WASF1: variants seen among roughly 807,000 people sequenced by gnomAD.
WASF1 encodes WASP family member 1.
Under a neutral mutation model 50.5 loss-of-function variants are expected in WASF1, and 7 were observed. The observed-to-expected ratio is 0.14, with a 90% CI of 0.08 to 0.26. The LOEUF is 0.26. WASF1 is among the 10% of genes least tolerant of loss of function. WASF1 has a pLI of 1.00. For synonymous variants in WASF1, 205 were observed against 244.0 expected (o/e 0.84, Z 1.49); for missense variants, 470 against 694.7 (o/e 0.68, Z 3.64).
chr6:110,135,098 T>C (rs1437682363), intron 3 of WASF1, among the ~76,000 whole-genome samples: 2 of 152,212 alleles, frequency 1.3e-5, no homozygotes, highest in African/African-American at 4.8e-5. Flanking sequence ...TGGTTAGGTA[T>C]ATTTCTAAGT....
rs1773017572 is a variant in WASF1, at chr6:110,100,088, G to A, written c.*434C>T. ...TACAAGCTAAATGTACTTTCTGAGT[G>A]TATTCGTATAATCAAGGCAGTGTTT... is the stretch of plus-strand genomic sequence containing the variant. On this transcript the variant is annotated 3_prime_UTR_variant, in exon 11 of 11. Transcript: ENST00000392589. 1 of 153,392 alleles carries A rather than the reference G, an allele frequency of 6.5e-6. No homozygotes were observed. The highest frequency in any genetic ancestry group is 1.9e-4 in the East Asian group (1 of 5,206). The allele number at this position is 153,392 out of a possible 1,614,324, so 9.5% of individuals were successfully genotyped here.
At chr6:110,122,117 T>C (rs1034906784) in intron 4 of WASF1, among the ~76,000 whole-genome samples, 7 of 151,916 alleles carry the variant, frequency 4.6e-5, no homozygotes, top group African/African-American at 1.7e-4. Flanking sequence ...CAAACCACCA[T>C]GGCACATGTA....
At chr6:110,145,410 G>A (rs1319682009) in intron 3 of WASF1, among the ~76,000 whole-genome samples, 2 of 152,136 alleles carry the variant, frequency 1.3e-5, no homozygotes, top group African/African-American at 2.4e-5. Context: ...TGCAAACAGG[G>A]ACAATTTGAC....
intron 3 of WASF1, among the ~76,000 whole-genome samples, chr6:110,146,545 T>A (rs879562206): frequency 1.3e-4 from 19 of 151,850 alleles, no homozygotes; most frequent in African/African-American, 1.7e-4. Context: ...TATTTAAAAA[T>A]ATATATATCT....
chr6:110,153,492 T>C (rs762916720), intron 3 of WASF1, among the ~76,000 whole-genome samples: 4 of 152,214 alleles, frequency 2.6e-5, no homozygotes, highest in African/African-American at 4.8e-5. Flanking sequence ...AATCAATCTA[T>C]GTTGATTTCT....
intron 2 of WASF1, among the ~76,000 whole-genome samples, chr6:110,170,804 AT>A (rs1197436436): frequency 1.3e-5 from 2 of 152,286 alleles, no homozygotes; most frequent in African/African-American, 4.8e-5. Context: ...AGCTGTATCA[AT>A]TTGAGACAAA....
intron 3 of WASF1, among the ~76,000 whole-genome samples, chr6:110,147,292 GC>G (rs1157988714): frequency 1.3e-5 from 2 of 150,062 alleles, no homozygotes; most frequent in Non-Finnish European, 3.0e-5. Context: ...CTTGCAGTGA[GC>G]CGAGATCATG....
At chr6:110,108,236 A>C (rs906407042) in intron 6 of WASF1, among the ~76,000 whole-genome samples, 2 of 152,024 alleles carry the variant, frequency 1.3e-5, no homozygotes, top group Non-Finnish European at 2.9e-5. Context: ...CATTTGATTA[A>C]AAATTAAATT....
intron 3 of WASF1, among the ~76,000 whole-genome samples, chr6:110,151,473 T>C (rs1775821619): frequency 6.6e-6 from 1 of 152,184 alleles, no homozygotes; most frequent in African/African-American, 2.4e-5. Context: ...CTACATGTTA[T>C]AAAAACAATT....
chr6:110,103,626 A>C, intron 8 of WASF1, 69 bp from the exon 9 acceptor site: 1 of 1,351,648 alleles, frequency 7.4e-7, no homozygotes, highest in Admixed American at 2.5e-5. Context: ...TACATGAGAT[A>C]TTAAATATTT....
intron 3 of WASF1, among the ~76,000 whole-genome samples, chr6:110,155,248 C>A (rs1006342284): frequency 6.6e-6 from 1 of 152,030 alleles, no homozygotes; most frequent in African/African-American, 2.4e-5. Flanking sequence ...TACCAATATA[C>A]CATCATAATG....
intron 2 of WASF1, among the ~76,000 whole-genome samples, chr6:110,170,621 A>C (rs866947098): frequency 6.6e-5 from 10 of 152,146 alleles, no homozygotes; most frequent in Middle Eastern, 3.2e-3. Flanking sequence ...ATCACTTTAA[A>C]TGTGAATGGT....
At chr6:110,111,180 T>C (rs933651700) in intron 5 of WASF1, among the ~76,000 whole-genome samples, 2 of 152,224 alleles carry the variant, frequency 1.3e-5, no homozygotes, top group Non-Finnish European at 2.9e-5. Flanking sequence ...TTCTCTATTA[T>C]TTGATGGCAT....
intron 3 of WASF1, among the ~76,000 whole-genome samples, chr6:110,144,767 G>A (rs2114563329): frequency 6.6e-6 from 1 of 152,266 alleles, no homozygotes; most frequent in South Asian, 2.1e-4. Context: ...TCAGATAGTT[G>A]TAGATATGCG....
chr6:110,109,067 T>C (rs1167717450), intron 5 of WASF1, among the ~76,000 whole-genome samples: 2 of 152,188 alleles, frequency 1.3e-5, no homozygotes. Context: ...TTTTTTAGCT[T>C]ACACCAGTAA....
intron 4 of WASF1, among the ~76,000 whole-genome samples, chr6:110,119,073 T>C (rs144382457): frequency 0.052 from 7,862 of 152,212 alleles, 225 homozygotes; most frequent in East Asian, 0.12. Context: ...TAGCACTAAA[T>C]ACTCACAAGA....
At chr6:110,170,467 G>A (rs1776661727) in intron 2 of WASF1, among the ~76,000 whole-genome samples, 1 of 152,060 alleles carries the variant, frequency 6.6e-6, no homozygotes, top group Non-Finnish European at 1.5e-5. Context: ...CAAGTGATTG[G>A]CCTGACTCAG....
chr6:110,102,093 T>A lies in WASF1; in HGVS notation c.1017A>T (p.Ser339=), dbSNP rs771389339. Residue 339 remains serine, a synonymous_variant, in exon 10 of 11, where the codon TCA becomes TCT. Coordinates refer to ENST00000392589, the MANE Select transcript of WASF1 (RefSeq NM_003931.3). ...GAGTTGAAGTCATTGAAGCTCTTAA[T>A]GAGGAAGTTGACAAGGCAGATGGAA... ...PPLPSALSTS[S]LRASMTSTPP... is the part of the protein sequence containing the mutation. 2.0e-6 allele frequency: 3 copies of A among 1,496,236 alleles called. No individual in the cohort carries two copies. The highest frequency in any genetic ancestry group is 4.7e-5 in the East Asian group (2 of 42,564). 92.7% of individuals were successfully genotyped at this position (1,496,236 alleles called of 1,614,324 possible). A position where few individuals can be genotyped will look rare whatever the true frequency, so the allele number is the denominator to read the frequency against.
At chr6:110,174,033 A>C (rs1184799873) in intron 2 of WASF1, among the ~76,000 whole-genome samples, 2 of 152,104 alleles carry the variant, frequency 1.3e-5, no homozygotes, top group African/African-American at 4.8e-5. Flanking sequence ...TCCCCAATAG[A>C]CTTAAAATCC....
Sources: allele counts gnomAD v4.1 joint callset (sites outside exome capture counted in the v4.1 genomes callset), GRCh38; gene constraint gnomAD v4.1.1; transcripts MANE v1.5; gene names NCBI Gene and HGNC (gene_info 2026-07-23, HGNC 2026-07-21).